INF2: variants seen among roughly 807,000 people sequenced by gnomAD.
INF2 encodes the protein inverted formin-2.
Under a neutral mutation model 123.5 loss-of-function variants are expected in INF2, and 43 were observed. That is an observed-to-expected ratio of 0.35 (90% CI 0.27 to 0.45). INF2 has a LOEUF of 0.45. Ranked by LOEUF, INF2 falls within the 20% of genes least tolerant of loss-of-function variation. INF2 has a pLI of 1.00. For synonymous variants in INF2, 851 were observed against 745.0 expected (o/e 1.14, Z -2.32); for missense variants, 1,453 against 1,682.7 (o/e 0.86, Z 2.39).
chr14:104,709,182 T>C, intron 10 of INF2, 99 bp from the exon 11 acceptor site: 1 of 883,818 alleles, frequency 1.1e-6, no homozygotes, highest in Non-Finnish European at 1.8e-6. Context: ...GGCCACCCCA[T>C]GACTACGTGG....
At chr14:104,689,791 G>A (rs994223623) in intron 1 of INF2, 52 bp downstream of exon 1, 99 of 955,690 alleles carry the variant, frequency 1.0e-4, no homozygotes, top group Non-Finnish European at 1.2e-4. Context: ...AACTGAGTCC[G>A]GGAGGAGGCA....
Position 104,708,607 on chromosome 14 carries a change from T to A in INF2, c.1887+20T>A. 4.3e-6 allele frequency: 7 copies of A among 1,612,602 alleles called. No homozygotes were observed. The highest frequency in any genetic ancestry group is 5.9e-6 in the Non-Finnish European group (7 of 1,179,828). ...AAGGAGGTGGGGACGGGGAGGGGAC[T>A]CAGACCGGGGCCGCCTGCCTGGCCA... On this transcript the variant is annotated intron_variant, in intron 9 of 22. Transcript: ENST00000392634.
rs752786407 is a variant in INF2 at position 104,710,983 on chromosome 14, G to C, written c.2286G>C (p.Leu762=). The part of the protein sequence containing the change: ...RQLPIFCQLI[L]RIGNFLNYGS... ...TGCCCATCTTCTGCCAGCTGATCCT[G>C]AGAATTGGGAACTTCCTCAACTACG... The change falls in exon 14 of 23, where the codon CTG becomes CTC. Residue 762 remains leucine (L), a synonymous_variant. Transcript: ENST00000392634. The C allele has an allele frequency of 6.2e-7, 1 of 1,610,558 alleles. No individual in the cohort carries two copies. The highest frequency in any genetic ancestry group is 1.3e-5 in the African/African-American group (1 of 74,116).
At chr14:104,689,184 C>T (rs1888795901), upstream of INF2, 2 of 984,774 alleles carry the variant, frequency 2.0e-6, no homozygotes, top group African/African-American at 3.5e-5. Context: ...GAGGGATCCC[C>T]GAACGCGGGG....
chr14:104,711,581 G>C, intron 15 of INF2, 48 bp from the exon 16 acceptor site: 2 of 1,534,932 alleles, frequency 1.3e-6, no homozygotes, highest in Admixed American at 1.7e-5. Flanking sequence ...TCATCCCCAG[G>C]TGGAGAGTAT....
Position 104,689,674 on chromosome 14 carries a change from A to G in INF2, c.-75A>G. The G allele has an allele frequency of 2.0e-6, 2 of 982,350 alleles. No homozygotes were observed. Among genetic ancestry groups the G allele is most frequent in the Non-Finnish European group, 1.2e-6 (1 of 828,756 alleles). 60.9% of individuals were successfully genotyped at this position (982,350 alleles called of 1,614,324 possible). A position where few individuals can be genotyped will look rare whatever the true frequency, so the allele number is the denominator to read the frequency against. On this transcript the variant is annotated 5_prime_UTR_variant, in exon 1 of 23. Coordinates refer to ENST00000392634, the MANE Select transcript of INF2 (RefSeq NM_022489.4). ...GCGGCAGTGGGCGCCGGCTGCCCGC[A>G]GCCCCTGACCCGGCCCCGGACGGAG...
rs760957562 is a variant in INF2 at position 104,703,414 on chromosome 14, G to A, written c.627G>A (p.Glu209=). ...SVINAVILGP[E]DLRARTQLRN... ...TCAACGCCGTCATCTTGGGCCCCGA[G>A]GACCTGCGCGCGCGCACCCAGCTGC... The change falls in exon 4 of 23, where the codon GAG becomes GAA. Residue 209 remains glutamate, a synonymous_variant. Coordinates refer to ENST00000392634, the MANE Select transcript of INF2 (RefSeq NM_022489.4). 6.2e-7 allele frequency: 1 copy of A among 1,612,854 alleles called. No homozygotes were observed. Among genetic ancestry groups the A allele is most frequent in the Non-Finnish European group, 8.5e-7 (1 of 1,179,936 alleles).
At chr14:104,717,282 GCCGTCCTC>G (rs1368940752) in intron 22 of INF2, among the ~76,000 whole-genome samples, 1 of 124,852 alleles carries the variant, frequency 8.0e-6, no homozygotes, top group African/African-American at 3.2e-5. Flanking sequence ...AGGGTGCGCT[GCCGTCCTC>G]CCAGTCCCCC....
At position 104,684,209 on chromosome 14, in the gene INF2, T is replaced by G. The variant is rs1313563082; in HGVS notation, c.-104+2627T>G. On this transcript the variant is annotated intron_variant, in intron 1 of 2. Coordinates refer to the INF2 transcript ENST00000674723. This position sits in a 1 kb window ranked among gnomAD's most constrained non-coding sequence, Gnocchi z 5.0. ...CCCATCTGGACTCCCACCAGACAAC[T>G]GAGGCAACCGAGAAGGAGGCTGGGG... 2.2e-6 allele frequency: 1 copy of G among 446,886 alleles called. No homozygotes were observed. Among genetic ancestry groups the G allele is most frequent in the African/African-American group, 2.0e-5 (1 of 49,768 alleles). 27.7% of individuals were successfully genotyped at this position (446,886 alleles called of 1,614,324 possible). A position where few individuals can be genotyped will look rare whatever the true frequency, so the allele number is the denominator to read the frequency against.
chr14:104,718,808 GC>G lies in INF2; in HGVS notation c.*18del. On this transcript the variant is annotated 3_prime_UTR_variant, in exon 23 of 23. Transcript: ENST00000392634. Reference sequence around the variant, plus strand: ...TCTCTCTTACAGGCCTCAGGCCCAGGCCCAAGGCCAAGTGAGAGAGCCCAGG... The same window carrying G: ...TCTCTCTTACAGGCCTCAGGCCCAGGCCAAGGCCAAGTGAGAGAGCCCAGG... 2 of 1,613,036 alleles carry G rather than the reference GC, an allele frequency of 1.2e-6. No individual in the cohort carries two copies. The highest frequency in any genetic ancestry group is 1.7e-6 in the Non-Finnish European group (2 of 1,179,756).
In INF2 at chr14:104,684,410, T is replaced by C. The variant is rs1265855841; in HGVS notation, c.-104+2828T>C. On this transcript the variant is annotated intron_variant, in intron 1 of 2. Transcript: ENST00000674723. This position sits in a 1 kb window ranked among gnomAD's most constrained non-coding sequence, Gnocchi z 5.0. ...TAGGTTTGTGCAACGAAATATTTCATAGAAATCAAGAAACATGAGTGAACG... is the reference window on the plus strand; with the variant it reads ...TAGGTTTGTGCAACGAAATATTTCACAGAAATCAAGAAACATGAGTGAACG... 2 of 271,278 alleles carry C rather than the reference T, an allele frequency of 7.4e-6. No individual in the cohort carries two copies. Among genetic ancestry groups the C allele is most frequent in the Non-Finnish European group, 7.3e-6 (1 of 136,842 alleles). 16.8% of individuals were successfully genotyped at this position (271,278 alleles called of 1,614,324 possible). A position where few individuals can be genotyped will look rare whatever the true frequency, so the allele number is the denominator to read the frequency against.
rs1256710344 is a variant in INF2, at chr14:104,708,751, C to G, written c.1949+19C>G. The G allele has an allele frequency of 6.2e-7, 1 of 1,612,060 alleles. No individual in the cohort carries two copies. The highest frequency in any genetic ancestry group is 1.3e-5 in the African/African-American group (1 of 74,864). ...TTAAGTGGTGAGTGAGGGAGGTAGC[C>G]CCCATCCCAGGCCACGGAGCCTCGC... On this transcript the variant is annotated intron_variant, in intron 10 of 22. Coordinates refer to ENST00000392634, the MANE Select transcript of INF2 (RefSeq NM_022489.4).
intron 1 of INF2, among the ~76,000 whole-genome samples, chr14:104,694,373 G>C (rs1889086394): frequency 2.0e-5 from 3 of 152,256 alleles, no homozygotes; most frequent in Admixed American, 2.0e-4. Context: ...AGTTGGGCCT[G>C]ACGGGCTCCC....
At chr14:104,715,821 G>A (rs1248866140) in intron 22 of INF2, 1 of 462,046 alleles carries the variant, frequency 2.2e-6, no homozygotes, top group Non-Finnish European at 4.3e-6. Flanking sequence ...GCCTTCTGGG[G>A]CATGTCCCCA....
chr14:104,703,588 TCTC>T, intron 4 of INF2, 134 bp downstream of exon 4: 1 of 1,241,368 alleles, frequency 8.1e-7, no homozygotes, highest in Non-Finnish European at 1.2e-6. Flanking sequence ...GAAGGCGCCA[TCTC>T]GGGCCTGCCA....
At position 104,689,655 on chromosome 14, in the gene INF2, G is replaced by C. The variant is rs1209885567; in HGVS notation, c.-94G>C. On this transcript the variant is annotated 5_prime_UTR_variant, in exon 1 of 23. Transcript: ENST00000392634. ...CGTCCGAGCCTTGCGGAGCGCGGCA[G>C]TGGGCGCCGGCTGCCCGCAGCCCCT... 3.1e-6 allele frequency: 3 copies of C among 981,798 alleles called. No individual in the cohort carries two copies. Among genetic ancestry groups the C allele is most frequent in the Non-Finnish European group, 3.6e-6 (3 of 827,448 alleles). 60.8% of individuals were successfully genotyped at this position (981,798 alleles called of 1,614,324 possible).
rs959994716 is a variant in INF2 at position 104,702,932 on chromosome 14, C to T, written c.392-173C>T. On this transcript the variant is annotated intron_variant, in intron 2 of 22. Coordinates refer to ENST00000392634, the MANE Select transcript of INF2 (RefSeq NM_022489.4). ...TGGTCCAGGAGCAGGGCCAGGACAC[C>T]GAGGAGTGGGGCACCTCGTTGGGTC... Among the ~76,000 whole-genome samples the T allele has an allele frequency of 3.9e-5, 6 of 152,320 alleles. No homozygotes were observed. In the East Asian group the frequency reaches 7.7e-4, roughly 20 times the overall value.
chr14:104,689,675 G>A lies in INF2; in HGVS notation c.-74G>A. On this transcript the variant is annotated 5_prime_UTR_variant, in exon 1 of 23. Transcript: ENST00000392634. Reference sequence around the variant, plus strand: ...CGGCAGTGGGCGCCGGCTGCCCGCAGCCCCTGACCCGGCCCCGGACGGAGC... The same window carrying A: ...CGGCAGTGGGCGCCGGCTGCCCGCAACCCCTGACCCGGCCCCGGACGGAGC... 1.0e-6 allele frequency: 1 copy of A among 984,322 alleles called. No individual in the cohort carries two copies. Among genetic ancestry groups the A allele is most frequent in the Non-Finnish European group, 1.2e-6 (1 of 829,454 alleles). The allele number at this position is 984,322 out of a possible 1,614,324, so 61.0% of individuals were successfully genotyped here. A position where few individuals can be genotyped will look rare whatever the true frequency, so the allele number is the denominator to read the frequency against.
chr14:104,712,732 G>A, intron 17 of INF2, 96 bp from the exon 18 acceptor site: 1 of 1,486,158 alleles, frequency 6.7e-7, no homozygotes, highest in Non-Finnish European at 9.1e-7. Flanking sequence ...CTCAGGGCCT[G>A]TCCCTGTGGC....
Sources: gnomAD v4.1 joint callset for allele counts (sites outside exome capture counted in the v4.1 genomes callset) on GRCh38, gnomAD v4.1.1 for gene constraint, Gnocchi (gnomAD v3.1) non-coding constraint, MANE v1.5 for transcripts, NCBI Gene and HGNC (gene_info 2026-07-23, HGNC 2026-07-21) for gene names.